DIP2C: variants seen among roughly 807,000 people sequenced by gnomAD.
DIP2C encodes the protein DIP2 acetate--CoA ligase C (putative), also known as disco-interacting protein 2 homolog C.
DIP2C carries 33 observed loss-of-function variants against 192.4 expected under a neutral mutation model. That is an observed-to-expected ratio of 0.17 (90% CI 0.13 to 0.23). The LOEUF (loss-of-function observed/expected upper bound fraction) is 0.23. Among genes scored for constraint, DIP2C ranks in the 10% least tolerant of loss-of-function variants. The pLI is 1.00. For missense variants in DIP2C, 1,537 were observed against 2,110.1 expected (o/e 0.73, Z 5.32); for synonymous variants, 979 against 864.1 (o/e 1.13, Z -2.33).
chr10:370,309 G>GCCCAC (rs1377561766), intron 17 of DIP2C, among the ~76,000 whole-genome samples: 14 of 152,206 alleles, frequency 9.2e-5, no homozygotes. Context: ...CCACGCTGGG[G>GCCCAC]CCCACCCCAC....
At chr10:572,895 C>G (rs908425994) in intron 1 of DIP2C, among the ~76,000 whole-genome samples, 29 of 152,172 alleles carry the variant, frequency 1.9e-4, no homozygotes, top group Admixed American at 7.9e-4. Context: ...GCTAAACAGG[C>G]AGCCGGAAGA....
At chr10:606,308 C>A (rs1588580358) in intron 1 of DIP2C, among the ~76,000 whole-genome samples, 1 of 152,314 alleles carries the variant, frequency 6.6e-6, no homozygotes, top group Non-Finnish European at 1.5e-5. Context: ...CACAGCCACA[C>A]AGCTCAGGGC....
intron 1 of DIP2C, among the ~76,000 whole-genome samples, chr10:597,556 G>A (rs561249144): frequency 1.3e-5 from 2 of 152,340 alleles, no homozygotes; most frequent in South Asian, 2.1e-4. Context: ...GGGCAGGAGT[G>A]CACTAACGCT....
intron 1 of DIP2C, among the ~76,000 whole-genome samples, chr10:579,991 C>T (rs138987882): frequency 2.6e-5 from 4 of 151,960 alleles, no homozygotes; most frequent in Non-Finnish European, 4.4e-5. Context: ...TATACAGGTA[C>T]ACTATAACAT....
chr10:320,199 G>T (rs3097727), intron 31 of DIP2C, among the ~76,000 whole-genome samples: 150,666 of 152,326 alleles, frequency 0.99, 74,537 homozygotes, highest in Middle Eastern at 1. Context: ...GTCAAGTAAG[G>T]ATATGTTTAA....
intron 32 of DIP2C, among the ~76,000 whole-genome samples, chr10:298,185 G>T (rs1439676865): frequency 6.6e-6 from 1 of 152,150 alleles, no homozygotes; most frequent in Non-Finnish European, 1.5e-5. Flanking sequence ...ACGTCTCCCT[G>T]AGTTCCTATG....
chr10:551,124 T>C (rs1424148771), intron 1 of DIP2C, among the ~76,000 whole-genome samples: 1 of 152,196 alleles, frequency 6.6e-6, no homozygotes, highest in Non-Finnish European at 1.5e-5. Context: ...CACTAGACAC[T>C]GTGGCTCTGG....
intron 1 of DIP2C, among the ~76,000 whole-genome samples, chr10:633,724 T>C (rs903757443): frequency 6.6e-6 from 1 of 152,156 alleles, no homozygotes; most frequent in Non-Finnish European, 1.5e-5. Context: ...CTAAAAACAG[T>C]AGGAGGAAAA....
chr10:468,507 T>A (rs543183915), intron 3 of DIP2C, among the ~76,000 whole-genome samples: 1 of 152,266 alleles, frequency 6.6e-6, no homozygotes, highest in South Asian at 2.1e-4. Flanking sequence ...ACACCTGTAA[T>A]CCCAGCACGT....
intron 1 of DIP2C, among the ~76,000 whole-genome samples, chr10:546,937 T>G (rs529817744): frequency 2.0e-5 from 3 of 152,226 alleles, no homozygotes; most frequent in Non-Finnish European, 4.4e-5. Context: ...AAGAATCAAT[T>G]TGTTCATTTT....
At chr10:439,898 A>AG (rs1967588318) in intron 4 of DIP2C, among the ~76,000 whole-genome samples, 1 of 152,234 alleles carries the variant, frequency 6.6e-6, no homozygotes, top group South Asian at 2.1e-4. Context: ...CTTGTAGTGG[A>AG]GAAAAAAATG....
rs1959864490 is a variant in DIP2C, at chr10:363,978, G to C, written c.2477+396C>G. ...CAGGCAAGGCAGGGAGAAGAAAACT[G>C]GTAGAGCGGGGAGGTGGCGAGCGTC... On this transcript the variant is annotated intron_variant, in intron 20 of 36. Transcript: ENST00000280886. The surrounding 1 kb of genome is among the most constrained non-coding windows in gnomAD (Gnocchi z 5.4). 6.6e-6 allele frequency among the ~76,000 whole-genome samples: 1 copy of C among 152,198 alleles called. No homozygotes were observed. Among genetic ancestry groups the C allele is most frequent in the Non-Finnish European group, 1.5e-5 (1 of 68,040 alleles).
intron 9 of DIP2C, among the ~76,000 whole-genome samples, chr10:406,355 A>C (rs1444482993): frequency 1.3e-5 from 2 of 152,154 alleles, no homozygotes; most frequent in Non-Finnish European, 2.9e-5. Flanking sequence ...CATCTTCCCA[A>C]ATGGAAACTC....
At chr10:602,440 C>T (rs1241108108) in intron 1 of DIP2C, among the ~76,000 whole-genome samples, 1 of 152,224 alleles carries the variant, frequency 6.6e-6, no homozygotes, top group Non-Finnish European at 1.5e-5. Context: ...GAAGCAATCT[C>T]CGATGGGATA....
intron 24 of DIP2C, 120 bp from the exon 25 acceptor site, chr10:349,574 G>T (rs1958692046): frequency 7.3e-7 from 1 of 1,364,404 alleles, no homozygotes; most frequent in Admixed American, 2.2e-5. Context: ...TTTAGAACAA[G>T]CACAGACCTG....
At chr10:485,036 G>T in intron 2 of DIP2C, 13 of 1,449,994 alleles carry the variant, frequency 9.0e-6, no homozygotes, top group Non-Finnish European at 1.2e-5. Flanking sequence ...CCGACCCCAT[G>T]CAGGACAGCA....
At chr10:404,210 A>ATTT (rs200567522) in intron 9 of DIP2C, among the ~76,000 whole-genome samples, 12 of 146,490 alleles carry the variant, frequency 8.2e-5, no homozygotes, top group East Asian at 6.0e-4. Context: ...TTCATTCTGG[A>ATTT]TTTTTTTTTT....
intron 1 of DIP2C, among the ~76,000 whole-genome samples, chr10:615,927 A>AG (rs1853442522): frequency 6.6e-6 from 1 of 152,164 alleles, no homozygotes; most frequent in African/African-American, 2.4e-5. Context: ...GCCTGTAGGG[A>AG]GGCTCCACAG....
In DIP2C at chr10:587,217, G is replaced by A. The variant is rs538450765; in HGVS notation, c.86-100687C>T. Among the ~76,000 whole-genome samples, 305 of 151,156 alleles carry A rather than the reference G, an allele frequency of 2.0e-3. 2 individuals are homozygous for A. The highest frequency in any genetic ancestry group is 3.7e-3 in the Non-Finnish European group (248 of 67,658). ...CAGGGTCTAAGGCCAGACTACCCGG[G>A]TCCCTGCTGACAGCGTGGCGAGGGG... On this transcript the variant is annotated intron_variant, in intron 1 of 36. Transcript: ENST00000280886.
Sources: gnomAD v4.1 joint callset for allele counts (sites outside exome capture counted in the v4.1 genomes callset) on GRCh38, gnomAD v4.1.1 for gene constraint, Gnocchi (gnomAD v3.1) non-coding constraint, MANE v1.5 for transcripts, NCBI Gene and HGNC (gene_info 2026-07-23, HGNC 2026-07-21) for gene names.